Variants in HAVCR1 observed in about 807,000 individuals in gnomAD.
HAVCR1 encodes the protein hepatitis A virus cellular receptor 1, also known as T cell immunoglobin domain and mucin domain protein 1.
HAVCR1 carries 34 observed loss-of-function variants against 32.0 expected under a neutral mutation model. The ratio of observed to expected loss-of-function variants is 1.06; its 90% CI spans 0.81 to 1.42. The LOEUF is 1.42. Ranked by LOEUF, HAVCR1 falls within the 40% of genes most tolerant of loss-of-function variation. The probability of loss-of-function intolerance (pLI) is 0.00; values close to 1 mark genes in which losing one functional copy is unlikely to be tolerated. For synonymous variants in HAVCR1, 178 were observed against 170.3 expected, an observed-to-expected ratio of 1.05 and a Z score of -0.35; for missense variants, 420 against 442.3, an observed-to-expected ratio of 0.95 and a Z score of 0.45.
At chr5:157,063,108 C>A (rs1244343487), upstream of HAVCR1, among the ~76,000 whole-genome samples, 1 of 116,810 alleles carries the variant, frequency 8.6e-6, no homozygotes, top group Non-Finnish European at 1.7e-5. Context: ...GGTGACAGAG[C>A]GAGATTCTGT....
intron 5 of HAVCR1, among the ~76,000 whole-genome samples, chr5:157,044,447 GAA>G (rs1160177903): frequency 2.1e-5 from 1 of 47,280 alleles, no homozygotes; most frequent in African/African-American, 1.1e-4. Flanking sequence ...AAGAAAGAAA[GAA>G]AGAAAGAAAG....
At chr5:157,031,096 C>T (rs1004587859) in intron 8 of HAVCR1, among the ~76,000 whole-genome samples, 1 of 151,540 alleles carries the variant, frequency 6.6e-6, no homozygotes, top group African/African-American at 2.4e-5. Flanking sequence ...AGATTGAGTC[C>T]TTTATATGCT....
chr5:157,043,691 C>T (rs1029503896), intron 5 of HAVCR1, among the ~76,000 whole-genome samples: 1 of 152,024 alleles, frequency 6.6e-6, no homozygotes, highest in Non-Finnish European at 1.5e-5. Context: ...ATTCTGTTGG[C>T]CTTCCTAGAC....
intron 7 of HAVCR1, among the ~76,000 whole-genome samples, chr5:157,035,585 A>ATAG (rs950458188): frequency 2.6e-5 from 4 of 152,132 alleles, no homozygotes; most frequent in African/African-American, 9.7e-5. Flanking sequence ...TCTTCTGCTA[A>ATAG]ATGAGTGTTG....
rs1561591388 is a variant in HAVCR1, at chr5:157,044,639, A to AAGAAAG, written c.782-1963_782-1958dup. On this transcript the variant is annotated intron_variant, in intron 5 of 8. Coordinates refer to ENST00000523175, the MANE Select transcript of HAVCR1 (RefSeq NM_001173393.3). ...AGAGAAAGAAAGAAAGAAAGAAAGA[A>AAGAAAG]AGAAAGAAAGAAAGAAAGAAAGAAA... is the stretch of plus-strand genomic sequence containing the variant. Among the ~76,000 whole-genome samples the AAGAAAG allele has an allele frequency of 1.4e-3, 162 of 112,622 alleles. 1 individual carries two copies. The highest frequency in any genetic ancestry group is 2.1e-3 in the Non-Finnish European group (117 of 55,700). The allele number at this position is 112,622 out of a possible 152,430, so 73.9% of individuals were successfully genotyped here.
intron 2 of HAVCR1, among the ~76,000 whole-genome samples, chr5:157,055,783 T>C (rs1756093872): frequency 6.6e-6 from 1 of 151,470 alleles, no homozygotes; most frequent in Non-Finnish European, 1.5e-5. Context: ...GAGAAGTGCT[T>C]GAACCTGGGA....
intron 5 of HAVCR1, among the ~76,000 whole-genome samples, chr5:157,044,134 T>A (rs1422296167): frequency 6.6e-6 from 1 of 151,822 alleles, no homozygotes; most frequent in Non-Finnish European, 1.5e-5. Context: ...GAGTTCAAGA[T>A]CAGCCTGGCC....
Position 157,032,895 on chromosome 5 carries a change from G to C in HAVCR1, c.953-8C>G. 1 of 1,558,414 alleles carries C rather than the reference G, an allele frequency of 6.4e-7. No homozygotes were observed. Among genetic ancestry groups the C allele is most frequent in the Non-Finnish European group, 8.8e-7 (1 of 1,135,812 alleles). On this transcript the variant is annotated splice_region_variant and splice_polypyrimidine_tract_variant and intron_variant, in intron 7 of 8. Coordinates refer to ENST00000523175, the MANE Select transcript of HAVCR1 (RefSeq NM_001173393.3). ...CCTTTTTGAAGAAATACTCTAAATT[G>C]AAGGGGTGGGGAGAGAGGAGTTGAA...
chr5:157,052,267 A>C, intron 4 of HAVCR1, 94 bp downstream of exon 4: 1 of 1,109,620 alleles, frequency 9.0e-7, no homozygotes, highest in Non-Finnish European at 1.3e-6. Flanking sequence ...AAGACCCCTC[A>C]CTCTAGACTG....
At position 157,032,886 on chromosome 5, in the gene HAVCR1, C is replaced by A. The variant is rs1754259194; in HGVS notation, c.954G>T (p.Lys318Asn). Residue 318 changes from lysine to asparagine, a missense_variant and splice_region_variant, in exon 8 of 9, where the codon AAG becomes AAT. Coordinates refer to ENST00000523175, the MANE Select transcript of HAVCR1 (RefSeq NM_001173393.3). ...LALLGVIIAKKYFFKKEVQQL... is the reference protein window; with the variant it reads ...LALLGVIIAKNYFFKKEVQQL... ...GTTGAACCTCCTTTTTGAAGAAATA[C>A]TCTAAATTGAAGGGGTGGGGAGAGA... The A allele has an allele frequency of 6.4e-7, 1 of 1,567,730 alleles. No homozygotes were observed. Among genetic ancestry groups the A allele is most frequent in the African/African-American group, 1.4e-5 (1 of 73,618 alleles).
rs1444189212 is a variant in HAVCR1, at chr5:157,058,992, A to G, written c.-84T>C. ...GTTCCTGAGTTCTCTTCAAACCTCT[A>G]TTTCCTCAGTTGTAAAATAGCACTA... On this transcript the variant is annotated 5_prime_UTR_variant, in exon 1 of 9. Coordinates refer to ENST00000523175, the MANE Select transcript of HAVCR1 (RefSeq NM_001173393.3). The G allele has an allele frequency of 1.3e-5, 2 of 152,138 alleles. No homozygotes were observed. Among genetic ancestry groups the G allele is most frequent in the African/African-American group, 4.8e-5 (2 of 41,422 alleles). The allele number at this position is 152,138 out of a possible 1,614,324, so 9.4% of individuals were successfully genotyped here.
rs1188888981 is a variant in HAVCR1 at position 157,056,651 on chromosome 5, A to G, written c.47-1118T>C. ...CGCCTTGGCCTCCCAAAGTGCTGGGATTACAGGTGTGAGCCACCACGCCCG... is the reference window on the plus strand; with the variant it reads ...CGCCTTGGCCTCCCAAAGTGCTGGGGTTACAGGTGTGAGCCACCACGCCCG... On this transcript the variant is annotated intron_variant, in intron 2 of 8. Transcript: ENST00000523175. Among the ~76,000 whole-genome samples, 3 of 152,058 alleles carry G rather than the reference A, an allele frequency of 2.0e-5. No homozygotes were observed. The East Asian group carries it at 5.8e-4, about 29-fold the overall frequency.
At chr5:157,037,425 C>CCAGAATCA in intron 6 of HAVCR1, 64 bp from the exon 7 acceptor site, 3 of 788,658 alleles carry the variant, frequency 3.8e-6, no homozygotes, top group Non-Finnish European at 6.6e-6. Context: ...AAAACATTTC[C>CCAGAATCA]CAGAATCACT....
chr5:157,044,368 C>T (rs115923148), intron 5 of HAVCR1, among the ~76,000 whole-genome samples: 2,738 of 31,530 alleles, frequency 0.087, 354 homozygotes, highest in African/African-American at 0.22. Flanking sequence ...AAAGAAAGGA[C>T]GAAGGAAGGA....
intron 7 of HAVCR1, among the ~76,000 whole-genome samples, chr5:157,035,747 T>C (rs1754487264): frequency 6.6e-6 from 1 of 151,864 alleles, no homozygotes; most frequent in Non-Finnish European, 1.5e-5. Flanking sequence ...GCCCTCGATG[T>C]CCACAGGTTT....
At chr5:157,056,747 T>C (rs1312963142) in intron 2 of HAVCR1, among the ~76,000 whole-genome samples, 2 of 152,164 alleles carry the variant, frequency 1.3e-5, no homozygotes, top group African/African-American at 2.4e-5. Context: ...ATATAATGCA[T>C]GCTATTACAA....
intron 4 of HAVCR1, among the ~76,000 whole-genome samples, chr5:157,050,463 G>T (rs904693440): frequency 1.3e-5 from 2 of 152,108 alleles, no homozygotes; most frequent in Non-Finnish European, 2.9e-5. Context: ...ATGTCCCTGC[G>T]TTCTATTTGC....
At chr5:157,068,920 C>A in the HAVCR1 span, among the ~76,000 whole-genome samples, 2 of 152,296 alleles carry the variant, frequency 1.3e-5, no homozygotes, top group South Asian at 4.1e-4. Context: ...AATATTTTTA[C>A]TTTAAAAATT....
At chr5:157,054,458 T>C (rs574479480) in intron 3 of HAVCR1, among the ~76,000 whole-genome samples, 1 of 152,116 alleles carries the variant, frequency 6.6e-6, no homozygotes, top group Admixed American at 6.5e-5. Flanking sequence ...TGAGCCACGA[T>C]TGTGACATTG....
Sources: allele counts gnomAD v4.1 joint callset (sites outside exome capture counted in the v4.1 genomes callset), GRCh38; gene constraint gnomAD v4.1.1; transcripts MANE v1.5; gene names NCBI Gene and HGNC (gene_info 2026-07-23, HGNC 2026-07-21).